VMP1: variants seen among roughly 807,000 people sequenced by gnomAD.
The protein encoded by VMP1 is vacuole membrane protein 1, also known as ectopic P-granules autophagy protein 3 homolog.
A neutral mutation model predicts 56.0 loss-of-function variants in VMP1; 11 were observed. The ratio of observed to expected loss-of-function variants is 0.20; its 90% CI spans 0.12 to 0.32. The LOEUF (loss-of-function observed/expected upper bound fraction) is 0.32. VMP1 is among the 10% of genes least tolerant of loss of function. VMP1 has a pLI of 1.00. For synonymous variants in VMP1, 149 were observed against 165.0 expected (o/e 0.90, Z 0.74); for missense variants, 296 against 490.3 (o/e 0.60, Z 3.74).
At chr17:59,787,305 C>T (rs936932973) in intron 7 of VMP1, among the ~76,000 whole-genome samples, 1 of 152,152 alleles carries the variant, frequency 6.6e-6, no homozygotes, top group African/African-American at 2.4e-5. Flanking sequence ...TCTTTTGCCA[C>T]CTCACTCGCA....
chr17:59,764,214 A>C (rs1002611172), intron 5 of VMP1, among the ~76,000 whole-genome samples: 1 of 152,204 alleles, frequency 6.6e-6, no homozygotes, highest in Non-Finnish European at 1.5e-5. Flanking sequence ...TAATAAAAGG[A>C]ATTATCTAAC....
At chr17:59,773,513 G>A (rs1198369602) in intron 6 of VMP1, among the ~76,000 whole-genome samples, 1 of 152,148 alleles carries the variant, frequency 6.6e-6, no homozygotes, top group East Asian at 1.9e-4. Context: ...ATGGCTACAG[G>A]TGCGTGCCCA....
At position 59,762,769 on chromosome 17, in the gene VMP1, A is replaced by G. The variant is rs549210879; in HGVS notation, c.415-2202A>G. ...AGAAGAAAGAATTCTCAAATCAGAG[A>G]CTTGAAAAAACATTCTCAAATCAGA... On this transcript the variant is annotated intron_variant, in intron 5 of 11. Coordinates refer to ENST00000262291, the MANE Select transcript of VMP1 (RefSeq NM_030938.5). 4.8e-3 allele frequency among the ~76,000 whole-genome samples: 736 copies of G among 152,312 alleles called. 7 individuals are homozygous for G. The highest frequency in any genetic ancestry group is 0.017 in the African/African-American group (702 of 41,576).
At chr17:59,808,961 G>T in intron 8 of VMP1, 85 bp downstream of exon 8, 1 of 1,112,368 alleles carries the variant, frequency 9.0e-7, no homozygotes, top group East Asian at 2.5e-5. Context: ...TAACAAAAGT[G>T]CTATCACTTT....
At chr17:59,791,228 G>A (rs2037215721) in intron 7 of VMP1, among the ~76,000 whole-genome samples, 1 of 135,858 alleles carries the variant, frequency 7.4e-6, no homozygotes, top group African/African-American at 2.9e-5. Flanking sequence ...CGCTCTTGTT[G>A]CCCAGGCTGG....
At chr17:59,757,238 G>GAGCT (rs1555617331) in intron 5 of VMP1, among the ~76,000 whole-genome samples, 49 of 146,788 alleles carry the variant, frequency 3.3e-4, no homozygotes, top group African/African-American at 1.1e-3. Flanking sequence ...GATTAGGATG[G>GAGCT]AGATAGATAG....
At chr17:59,721,562 TA>T (rs2034397171) in intron 1 of VMP1, among the ~76,000 whole-genome samples, 1 of 151,960 alleles carries the variant, frequency 6.6e-6, no homozygotes, top group Admixed American at 6.5e-5. Flanking sequence ...ACACATACAG[TA>T]AATACATCAG....
chr17:59,734,549 G>A (rs1415033204), intron 2 of VMP1, among the ~76,000 whole-genome samples: 3 of 152,106 alleles, frequency 2.0e-5, no homozygotes, highest in Admixed American at 1.3e-4. Context: ...CCCAGGCAAC[G>A]TAGTGAGACT....
chr17:59,748,897 T>A (rs1253078151), intron 5 of VMP1, among the ~76,000 whole-genome samples: 2 of 148,414 alleles, frequency 1.3e-5, no homozygotes, highest in South Asian at 2.1e-4. Flanking sequence ...ATTATTTATT[T>A]TTTTTTTTTG....
At chr17:59,787,731 G>T (rs1288335540) in intron 7 of VMP1, among the ~76,000 whole-genome samples, 2 of 152,160 alleles carry the variant, frequency 1.3e-5, no homozygotes, top group South Asian at 2.1e-4. Flanking sequence ...TGAGGCAAGA[G>T]AATTGCTTGA....
intron 10 of VMP1, among the ~76,000 whole-genome samples, chr17:59,829,911 A>G (rs1292171178): frequency 2.0e-5 from 3 of 152,178 alleles, no homozygotes; most frequent in African/African-American, 7.2e-5. Flanking sequence ...CATTTTCTAT[A>G]TAGGAGTCTA....
intron 1 of VMP1, among the ~76,000 whole-genome samples, chr17:59,718,184 CTTTTTTTTT>C (rs971095445): frequency 2.5e-5 from 2 of 79,252 alleles, no homozygotes; most frequent in Non-Finnish European, 5.0e-5. Flanking sequence ...TCCCTCCCTC[CTTTTTTTTT>C]TTTTTTTTTT....
chr17:59,724,211 CAA>C (rs780799408), intron 1 of VMP1, among the ~76,000 whole-genome samples: 23 of 71,262 alleles, frequency 3.2e-4, no homozygotes, highest in Admixed American at 6.3e-4. Flanking sequence ...GACCCTGTCT[CAA>C]AAAAAAAAAA....
At chr17:59,766,714 C>A (rs2143997057) in intron 6 of VMP1, among the ~76,000 whole-genome samples, 1 of 152,010 alleles carries the variant, frequency 6.6e-6, no homozygotes, top group East Asian at 1.9e-4. Flanking sequence ...TTACAAAATT[C>A]TTTGGACAGC....
At chr17:59,791,692 G>A (rs762023852) in intron 7 of VMP1, among the ~76,000 whole-genome samples, 4 of 151,766 alleles carry the variant, frequency 2.6e-5, no homozygotes, top group South Asian at 2.1e-4. Flanking sequence ...TTGAACTCCC[G>A]ACCTCAAATG....
chr17:59,812,614 A>T (rs2038089638), intron 9 of VMP1, among the ~76,000 whole-genome samples: 2 of 152,356 alleles, frequency 1.3e-5, no homozygotes, highest in South Asian at 4.1e-4. Flanking sequence ...TATGGTTTGT[A>T]ACAAAGAACG....
At chr17:59,807,598 C>T (rs1377009626) in intron 7 of VMP1, among the ~76,000 whole-genome samples, 4 of 151,846 alleles carry the variant, frequency 2.6e-5, no homozygotes, top group Non-Finnish European at 4.4e-5. Flanking sequence ...TTTGGGAGGC[C>T]GAGGCGAGCT....
chr17:59,734,603 C>T (rs561715762), intron 2 of VMP1, among the ~76,000 whole-genome samples: 14 of 152,212 alleles, frequency 9.2e-5, no homozygotes, highest in African/African-American at 2.4e-4. Flanking sequence ...TGCGGTGGTA[C>T]ACACCTGTAG....
intron 10 of VMP1, 50 bp downstream of exon 10, chr17:59,817,823 G>C (rs1473892791): frequency 1.4e-6 from 2 of 1,409,624 alleles, no homozygotes; most frequent in East Asian, 2.3e-5. Context: ...CTTTAAATGG[G>C]AGTAAATGTG....
Sources: allele counts gnomAD v4.1 joint callset (sites outside exome capture counted in the v4.1 genomes callset), GRCh38; gene constraint gnomAD v4.1.1; transcripts MANE v1.5; gene names NCBI Gene and HGNC (gene_info 2026-07-23, HGNC 2026-07-21).